Variants in NLGN1 observed in about 807,000 individuals in gnomAD.
The protein encoded by NLGN1 is neuroligin 1, also known as neuroligin-1.
A neutral mutation model predicts 65.5 loss-of-function variants in NLGN1; 12 were observed. The ratio of observed to expected loss-of-function variants is 0.18; its 90% CI spans 0.12 to 0.30. NLGN1 has a LOEUF of 0.30. Ranked by LOEUF, NLGN1 falls within the 10% of genes least tolerant of loss-of-function variation. NLGN1 has a pLI of 1.00. For missense variants in NLGN1, 750 were observed against 1,007.1 expected (o/e 0.74, Z 3.46); for synonymous variants, 350 against 359.5 (o/e 0.97, Z 0.30).
At chr3:173,531,839 T>G (rs1049781644) in intron 2 of NLGN1, among the ~76,000 whole-genome samples, 2 of 152,122 alleles carry the variant, frequency 1.3e-5, no homozygotes, top group African/African-American at 4.8e-5. Context: ...TGCTCTTTTT[T>G]GCCCTCATGC....
At chr3:173,477,545 A>G (rs1306117498) in intron 2 of NLGN1, among the ~76,000 whole-genome samples, 9 of 152,158 alleles carry the variant, frequency 5.9e-5, no homozygotes, top group Non-Finnish European at 4.4e-5. Context: ...GCCTGTCTCA[A>G]AAAAAGAAAA....
chr3:173,932,467 G>A (rs2152288853), intron 4 of NLGN1, among the ~76,000 whole-genome samples: 1 of 151,238 alleles, frequency 6.6e-6, no homozygotes, highest in Non-Finnish European at 1.5e-5. Context: ...ACTTAACTAG[G>A]ACATCTGTCT....
chr3:173,841,147 T>TTA (rs34913436), intron 4 of NLGN1, among the ~76,000 whole-genome samples: 102,375 of 149,856 alleles, frequency 0.68, 35,575 homozygotes, highest in Non-Finnish European at 0.73. Context: ...ATATCTATAG[T>TTA]TATATATATA....
intron 4 of NLGN1, among the ~76,000 whole-genome samples, chr3:173,836,827 G>A (rs185668666): frequency 8.5e-4 from 129 of 152,218 alleles, no homozygotes; most frequent in Middle Eastern, 6.8e-3. Flanking sequence ...GGCATTTCAC[G>A]TAACTTCAAA....
chr3:173,831,598 A>G lies in NLGN1; in HGVS notation c.646+23766A>G, dbSNP rs191161245. Among the ~76,000 whole-genome samples the G allele has an allele frequency of 3.4e-3, 514 of 152,334 alleles. 3 individuals are homozygous for G. The highest frequency in any genetic ancestry group is 0.012 in the African/African-American group (493 of 41,578). ...TTGATTAAATTTCAAATAAAAAAGTACAATGTTTGTACTTTCTACAAAGTG... is the reference window on the plus strand; with the variant it reads ...TTGATTAAATTTCAAATAAAAAAGTGCAATGTTTGTACTTTCTACAAAGTG... On this transcript the variant is annotated intron_variant, in intron 4 of 6. Transcript: ENST00000457714.
chr3:174,144,788 A>G (rs889872144), intron 4 of NLGN1, among the ~76,000 whole-genome samples: 1 of 152,134 alleles, frequency 6.6e-6, no homozygotes, highest in Non-Finnish European at 1.5e-5. Flanking sequence ...AGTTCCTTGT[A>G]GATTCTGGAT....
At chr3:173,453,271 G>C (rs558199456) in intron 2 of NLGN1, among the ~76,000 whole-genome samples, 1 of 151,990 alleles carries the variant, frequency 6.6e-6, no homozygotes, top group African/African-American at 2.4e-5. Context: ...ACGTGTGTGT[G>C]TGTGTTTTGT....
intron 4 of NLGN1, among the ~76,000 whole-genome samples, chr3:174,206,245 G>A (rs986498058): frequency 1.3e-5 from 2 of 152,072 alleles, no homozygotes; most frequent in Admixed American, 1.3e-4. Context: ...TCCCTGAGGA[G>A]GCATTGTGTT....
chr3:174,064,435 G>A lies in NLGN1; in HGVS notation c.647-210880G>A, dbSNP rs532546209. Among the ~76,000 whole-genome samples, 4 of 152,010 alleles carry A rather than the reference G, an allele frequency of 2.6e-5. No homozygotes were observed. In the South Asian group the frequency reaches 8.3e-4, roughly 32 times the overall value. Reference sequence around the variant, plus strand: ...AGTGATCAAGAGCAGGAATTCTGGAGCTAGATTAATAGTTTGGGTTTGAAT... The same window carrying A: ...AGTGATCAAGAGCAGGAATTCTGGAACTAGATTAATAGTTTGGGTTTGAAT... On this transcript the variant is annotated intron_variant, in intron 4 of 6. Coordinates refer to ENST00000457714, the Ensembl canonical transcript of NLGN1.
chr3:174,090,552 G>A (rs1277030581), intron 4 of NLGN1, among the ~76,000 whole-genome samples: 1 of 152,050 alleles, frequency 6.6e-6, no homozygotes, highest in Non-Finnish European at 1.5e-5. Context: ...GATATTTCAA[G>A]GGAGAAAGAA....
chr3:173,901,363 T>TGGGGGGGGGGG (rs1387951154), intron 4 of NLGN1, among the ~76,000 whole-genome samples: 1 of 133,366 alleles, frequency 7.5e-6, no homozygotes. Context: ...AGTATTTTTT[T>TGGGGGGGGGGG]TGGGGGGGTG....
chr3:174,100,676 T>A (rs1712228196), intron 4 of NLGN1, among the ~76,000 whole-genome samples: 1 of 152,100 alleles, frequency 6.6e-6, no homozygotes, highest in Non-Finnish European at 1.5e-5. Flanking sequence ...GGCTGCAGTT[T>A]ATCACTAAAA....
intron 1 of NLGN1, among the ~76,000 whole-genome samples, chr3:173,406,735 G>A (rs1480961240): frequency 6.6e-6 from 1 of 151,822 alleles, no homozygotes; most frequent in Non-Finnish European, 1.5e-5. Context: ...AATTGCCACT[G>A]CTCTTAAGTG....
intron 4 of NLGN1, among the ~76,000 whole-genome samples, chr3:174,133,470 T>A (rs1720593701): frequency 6.6e-6 from 1 of 152,192 alleles, no homozygotes; most frequent in Admixed American, 6.5e-5. Flanking sequence ...AACGCCTGGG[T>A]TACCAGCCAG....
At chr3:173,972,519 C>T (rs917374932) in intron 4 of NLGN1, among the ~76,000 whole-genome samples, 2 of 152,012 alleles carry the variant, frequency 1.3e-5, no homozygotes, top group African/African-American at 4.8e-5. Context: ...ATAGAATCCA[C>T]ATTTAGGAAA....
intron 4 of NLGN1, among the ~76,000 whole-genome samples, chr3:174,049,799 A>G (rs1468661679): frequency 6.6e-6 from 1 of 152,140 alleles, no homozygotes; most frequent in Non-Finnish European, 1.5e-5. Context: ...TGCCTAGCTA[A>G]CGTGAGAGAA....
intron 3 of NLGN1, among the ~76,000 whole-genome samples, chr3:173,626,960 G>A (rs1754916138): frequency 6.6e-6 from 1 of 151,914 alleles, no homozygotes; most frequent in African/African-American, 2.4e-5. Flanking sequence ...CCTTAAAAAA[G>A]GAAGTGACTT....
At chr3:173,596,185 C>G (rs1292047342) in intron 2 of NLGN1, among the ~76,000 whole-genome samples, 1 of 151,980 alleles carries the variant, frequency 6.6e-6, no homozygotes, top group Non-Finnish European at 1.5e-5. Flanking sequence ...TTTTCTCTCT[C>G]TCTTTTTTTT....
At chr3:173,412,027 TTCTC>T (rs1200341198) in intron 1 of NLGN1, among the ~76,000 whole-genome samples, 1 of 152,176 alleles carries the variant, frequency 6.6e-6, no homozygotes, top group Non-Finnish European at 1.5e-5. Flanking sequence ...AGCAACCACT[TTCTC>T]TCTCTCACTT....
Sources: allele counts gnomAD v4.1 joint callset (sites outside exome capture counted in the v4.1 genomes callset), GRCh38; gene constraint gnomAD v4.1.1; transcripts MANE v1.5; gene names NCBI Gene and HGNC (gene_info 2026-07-23, HGNC 2026-07-21).